Variants in THRB observed in about 807,000 individuals in gnomAD.
THRB encodes thyroid hormone receptor beta, also known as nuclear receptor subfamily 1 group A member 2.
In THRB, 12 loss-of-function variants were observed where a neutral mutation model predicts 47.8. The observed-to-expected ratio is 0.25, with a 90% CI of 0.16 to 0.41. The LOEUF is 0.41. THRB is among the 10% of genes least tolerant of loss of function. THRB has a pLI of 1.00. For synonymous variants in THRB, 218 were observed against 212.2 expected (o/e 1.03, Z -0.24); for missense variants, 348 against 589.2 (o/e 0.59, Z 4.24).
Position 24,317,604 on chromosome 3 carries a change from G to C in THRB, c.-189+19696C>G, listed in dbSNP as rs181808856. Among the ~76,000 whole-genome samples the C allele has an allele frequency of 4.1e-3, 631 of 152,176 alleles. 4 individuals carry two copies. Among genetic ancestry groups the C allele is most frequent in the African/African-American group, 0.014 (597 of 41,524 alleles). On this transcript the variant is annotated intron_variant, in intron 2 of 10. Transcript: ENST00000646209. ...TTGCACTGGCTAGGGTGTTGGGTCT[G>C]GAAGGCATACAAAACACAACACAAC...
At chr3:24,377,676 C>G (rs13324127) in intron 1 of THRB, among the ~76,000 whole-genome samples, 15,828 of 152,144 alleles carry the variant, frequency 0.1, 1,765 homozygotes, top group African/African-American at 0.27. Context: ...CTGTGACCCA[C>G]AATGTAACTT....
At chr3:24,310,230 C>A (rs551904055) in intron 2 of THRB, among the ~76,000 whole-genome samples, 10 of 152,190 alleles carry the variant, frequency 6.6e-5, no homozygotes, top group Non-Finnish European at 1.5e-4. Context: ...GAATAATGAA[C>A]TTTTCATGTG....
At chr3:24,204,873 C>T (rs751287502) in intron 4 of THRB, among the ~76,000 whole-genome samples, 8 of 151,992 alleles carry the variant, frequency 5.3e-5, no homozygotes, top group Non-Finnish European at 8.8e-5. Context: ...CTTCAGTAGC[C>T]GATTCGATCA....
chr3:24,405,281 AT>A (rs1402694718), intron 1 of THRB, among the ~76,000 whole-genome samples: 21 of 152,054 alleles, frequency 1.4e-4, no homozygotes, highest in African/African-American at 4.8e-4. Flanking sequence ...TGTGGGCCAA[AT>A]TTGGACCACT....
chr3:24,174,474 C>T (rs1402403647), intron 5 of THRB, among the ~76,000 whole-genome samples: 3 of 152,286 alleles, frequency 2.0e-5, no homozygotes, highest in East Asian at 1.9e-4. Flanking sequence ...TCATCCACCA[C>T]GTTGCAGCTA....
At chr3:24,289,467 A>G (rs758311335) in intron 3 of THRB, among the ~76,000 whole-genome samples, 2 of 152,124 alleles carry the variant, frequency 1.3e-5, no homozygotes, top group Admixed American at 6.6e-5. Context: ...TTCTTCAGGT[A>G]AATAGCAAGT....
At chr3:24,378,827 C>T (rs2065484372) in intron 1 of THRB, among the ~76,000 whole-genome samples, 1 of 151,996 alleles carries the variant, frequency 6.6e-6, no homozygotes, top group Admixed American at 6.6e-5. Flanking sequence ...TCTCATGTAT[C>T]TTTTGATAAA....
intron 4 of THRB, among the ~76,000 whole-genome samples, chr3:24,228,728 T>C (rs977475358): frequency 1.2e-4 from 18 of 151,966 alleles, no homozygotes; most frequent in Admixed American, 2.6e-4. Context: ...AGTCATTTCC[T>C]CTCCATCACC....
At chr3:24,382,277 T>A (rs1212820194) in intron 1 of THRB, among the ~76,000 whole-genome samples, 1 of 152,076 alleles carries the variant, frequency 6.6e-6, no homozygotes, top group Non-Finnish European at 1.5e-5. Context: ...TAAAATAAAG[T>A]TGGTAAATTT....
chr3:24,368,511 A>G (rs1451070070), intron 1 of THRB, among the ~76,000 whole-genome samples: 1 of 152,238 alleles, frequency 6.6e-6, no homozygotes, highest in Non-Finnish European at 1.5e-5. Context: ...CTAAAACTTC[A>G]TAGAAAGAGG....
chr3:24,444,056 G>C (rs1479109650), intron 1 of THRB, among the ~76,000 whole-genome samples: 1 of 151,712 alleles, frequency 6.6e-6, no homozygotes, highest in East Asian at 1.9e-4. Flanking sequence ...CAGCATATTA[G>C]GAATGCAAAA....
At chr3:24,298,197 T>C (rs1408644390) in intron 2 of THRB, among the ~76,000 whole-genome samples, 2 of 152,222 alleles carry the variant, frequency 1.3e-5, no homozygotes, top group African/African-American at 2.4e-5. Flanking sequence ...AAGTGTCACA[T>C]ACTTAAAAAT....
chr3:24,321,049 C>T (rs1358538683), intron 2 of THRB, among the ~76,000 whole-genome samples: 1 of 152,180 alleles, frequency 6.6e-6, no homozygotes, highest in Non-Finnish European at 1.5e-5. Flanking sequence ...GGTGTATCTT[C>T]TGGCAAACAG....
At chr3:24,184,652 G>A (rs2042340654) in intron 5 of THRB, among the ~76,000 whole-genome samples, 1 of 152,056 alleles carries the variant, frequency 6.6e-6, no homozygotes, top group Non-Finnish European at 1.5e-5. Context: ...ACAGCTATCT[G>A]ACATATGCCC....
At chr3:24,399,479 G>A (rs978927872) in intron 1 of THRB, among the ~76,000 whole-genome samples, 1 of 152,072 alleles carries the variant, frequency 6.6e-6, no homozygotes, top group Non-Finnish European at 1.5e-5. Context: ...AATGAGAATT[G>A]TAAGATGGTG....
chr3:24,261,518 A>C lies in THRB; in HGVS notation c.-42-32517T>G, dbSNP rs867262026. 1.1e-3 allele frequency among the ~76,000 whole-genome samples: 140 copies of C among 128,374 alleles called. 1 individual carries two copies. In the South Asian group the frequency reaches 0.027, roughly 24 times the overall value. 84.2% of individuals were successfully genotyped at this position (128,374 alleles called of 152,430 possible). ...GTCTCAAAAAAAAAAAAAAAAAAAA[A>C]CCAAAAAAAACTCTCTAGATCCCAC... On this transcript the variant is annotated intron_variant, in intron 3 of 10. Transcript: ENST00000646209.
chr3:24,328,206 T>A (rs986968175), intron 2 of THRB, among the ~76,000 whole-genome samples: 1 of 152,182 alleles, frequency 6.6e-6, no homozygotes, highest in African/African-American at 2.4e-5. Flanking sequence ...TCTTGTAAAA[T>A]AATTTTCCTA....
At chr3:24,426,701 G>A (rs2069801305) in intron 1 of THRB, among the ~76,000 whole-genome samples, 3 of 151,988 alleles carry the variant, frequency 2.0e-5, no homozygotes, top group African/African-American at 7.2e-5. Flanking sequence ...TTCATGCTCT[G>A]TACTAGCTCA....
At chr3:24,335,081 C>T (rs911497256) in intron 2 of THRB, among the ~76,000 whole-genome samples, 1 of 152,168 alleles carries the variant, frequency 6.6e-6, no homozygotes. Context: ...CCCACCAGCA[C>T]TCCTCCCAGC....
Sources: gnomAD v4.1 joint callset for allele counts (sites outside exome capture counted in the v4.1 genomes callset) on GRCh38, gnomAD v4.1.1 for gene constraint, MANE v1.5 for transcripts, NCBI Gene and HGNC (gene_info 2026-07-23, HGNC 2026-07-21) for gene names.